The following DCX variants were observed in gnomAD, a reference collection of about 807,000 sequenced individuals.
The protein encoded by DCX is doublecortin.
In DCX, 4 loss-of-function variants were observed where a neutral mutation model predicts 20.9. The ratio of observed to expected loss-of-function variants is 0.19; its 90% CI spans 0.09 to 0.44. DCX has a LOEUF of 0.44. DCX is among the 20% of genes least tolerant of loss of function. The pLI is 0.99. For missense variants in DCX, 133 were observed against 296.9 expected (o/e 0.45, Z 4.06); for synonymous variants, 103 against 111.4 (o/e 0.92, Z 0.47).
Position 111,410,225 on chromosome X carries a change from G to A in DCX, c.174C>T (p.Tyr58=). 1 of 1,211,575 alleles carries A rather than the reference G, an allele frequency of 8.3e-7. No homozygotes were observed. The highest frequency in any genetic ancestry group is 1.8e-5 in the South Asian group (1 of 56,957). ...CCTTGAAGTAGCGGTCCCCATTGCG[G>A]TAGAAACGTACCTTCTTGGCTTTCT... The part of the protein sequence containing the change: ...NEKKAKKVRF[Y]RNGDRYFKGI... The change falls in exon 2 of 7, where the codon TAC becomes TAT. Residue 58 remains tyrosine, a synonymous_variant. Coordinates refer to ENST00000636035, the MANE Select transcript of DCX (RefSeq NM_001195553.2).
At chrX:111,319,728 C>A (rs1046983575) in intron 5 of DCX, among the ~76,000 whole-genome samples, 1 of 112,158 alleles carries the variant, frequency 8.9e-6, no homozygotes, top group African/African-American at 3.2e-5. Flanking sequence ...CCTATATGAG[C>A]TGACACAATA....
chrX:111,334,270 TC>T (rs1921523516), intron 3 of DCX, among the ~76,000 whole-genome samples: 1 of 112,211 alleles, frequency 8.9e-6, no homozygotes. Context: ...TTAAAGATTA[TC>T]CCCATTGTGT....
At position 111,402,276 on chromosome X, in the gene DCX, C is replaced by G. The variant is rs774095993; in HGVS notation, c.365-946G>C. ...TTGGGCTAGAGGAAATGACTAATAT[C>G]GCAAAAGAAATGCAGGGATCAGAGG... On this transcript the variant is annotated intron_variant, in intron 2 of 6. Transcript: ENST00000636035. Among the ~76,000 whole-genome samples, 5 of 111,586 alleles carry G rather than the reference C, an allele frequency of 4.5e-5. No individual in the cohort carries two copies. The Admixed American group carries it at 4.8e-4, about 11-fold the overall frequency.
intron 3 of DCX, among the ~76,000 whole-genome samples, chrX:111,346,110 T>C (rs1354441616): frequency 9.0e-6 from 1 of 110,895 alleles, no homozygotes; most frequent in Non-Finnish European, 1.9e-5. Context: ...TAAATTTGTT[T>C]AAGTTTCTTG....
At position 111,312,652 on chromosome X, in the gene DCX, C is replaced by T. The variant is rs375993711; in HGVS notation, c.1031G>A (p.Arg344Gln). Reference protein sequence around the residue: ...ISTPTSPGSLRKHKVDLYLPL... With the variant: ...ISTPTSPGSLQKHKVDLYLPL... ...TAAGAGACATAATACCTTGTGCTTC[C>T]GGAGGCTGCCAGGACTGGTGGGCGT... is the stretch of plus-strand genomic sequence containing the variant. Residue 344 changes from arginine (R) to glutamine (Q), a missense_variant, in exon 6 of 7, where the codon CGG (arginine) becomes CAG (glutamine). Coordinates refer to ENST00000636035, the MANE Select transcript of DCX (RefSeq NM_001195553.2). 45 of 1,209,585 alleles carry T rather than the reference C, an allele frequency of 3.7e-5. No individual in the cohort carries two copies. The highest frequency in any genetic ancestry group is 5.9e-5 in the East Asian group (2 of 33,758).
intron 3 of DCX, among the ~76,000 whole-genome samples, chrX:111,375,113 G>A (rs1221626006): frequency 9.5e-6 from 1 of 105,244 alleles, no homozygotes; most frequent in African/African-American, 3.5e-5. Context: ...CAGGAGTGGG[G>A]TGGGTAGGAG....
At chrX:111,331,640 G>A (rs1307772266) in intron 4 of DCX, among the ~76,000 whole-genome samples, 1 of 112,082 alleles carries the variant, frequency 8.9e-6, no homozygotes, top group African/African-American at 3.2e-5. Flanking sequence ...AAATGGGCCA[G>A]CAGTGACTCT....
At chrX:111,391,377 C>T (rs1345733637) in intron 3 of DCX, among the ~76,000 whole-genome samples, 2 of 111,486 alleles carry the variant, frequency 1.8e-5, no homozygotes, top group East Asian at 2.8e-4. Context: ...GTCAATTAAA[C>T]CACTTTTTTT....
intron 3 of DCX, among the ~76,000 whole-genome samples, chrX:111,371,933 TACACAC>T (rs56304092): frequency 0.093 from 9,031 of 97,299 alleles, 366 homozygotes; most frequent in African/African-American, 0.13. Context: ...GATATATGTG[TACACAC>T]ACACACACAC....
At chrX:111,305,783 A>G (rs1177971163) in intron 6 of DCX, among the ~76,000 whole-genome samples, 1 of 111,014 alleles carries the variant, frequency 9.0e-6, no homozygotes, top group African/African-American at 3.3e-5. Flanking sequence ...TTTGTATGTC[A>G]GTAGGAGAAA....
chrX:111,306,527 C>T (rs913684901), intron 6 of DCX, among the ~76,000 whole-genome samples: 1 of 111,114 alleles, frequency 9.0e-6, no homozygotes, highest in Non-Finnish European at 1.9e-5. Flanking sequence ...AACAACTAGA[C>T]AGAAGACCAA....
intron 3 of DCX, among the ~76,000 whole-genome samples, chrX:111,391,407 A>G (rs943191675): frequency 1.8e-5 from 2 of 111,458 alleles, no homozygotes; most frequent in African/African-American, 3.3e-5. Flanking sequence ...CCAGTCTCAG[A>G]TAGTTCTTTA....
At chrX:111,408,598 TGAAAGAAAGAAAGGAA>T (rs2147273005) in intron 2 of DCX, among the ~76,000 whole-genome samples, 1 of 89,217 alleles carries the variant, frequency 1.1e-5, no homozygotes, top group African/African-American at 4.4e-5. Flanking sequence ...CGAAACTCTG[TGAAAGAAAGAAAGGAA>T]GAAAGAAAGA....
chrX:111,313,236 C>A (rs766548581), intron 5 of DCX, among the ~76,000 whole-genome samples: 3 of 110,760 alleles, frequency 2.7e-5, no homozygotes, highest in Admixed American at 9.7e-5. Flanking sequence ...GTCTCTCCCC[C>A]TCTCTTTTCC....
rs1273698995 is a variant in DCX at position 111,297,711 on chromosome X, G to C, written c.*3976C>G. 9.0e-6 allele frequency: 1 copy of C among 111,560 alleles called. No homozygotes were observed. The highest frequency in any genetic ancestry group is 1.9e-5 in the Non-Finnish European group (1 of 53,107). The allele number at this position is 111,560 out of a possible 1,213,427, so 9.2% of individuals were successfully genotyped here. A position where few individuals can be genotyped will look rare whatever the true frequency, so the allele number is the denominator to read the frequency against. On this transcript the variant is annotated 3_prime_UTR_variant, in exon 7 of 7. Transcript: ENST00000636035. Reference sequence around the variant, plus strand: ...CCCCTTAGTTCCCAGGAAGAGCCTTGCAGCAAGGAAAACCATGTGTTTGGA... The same window carrying C: ...CCCCTTAGTTCCCAGGAAGAGCCTTCCAGCAAGGAAAACCATGTGTTTGGA...
At position 111,301,646 on chromosome X, in the gene DCX, G is replaced by A; in HGVS notation, c.*41C>T. 2.5e-6 allele frequency: 3 copies of A among 1,180,127 alleles called. No individual in the cohort carries two copies. Among genetic ancestry groups the A allele is most frequent in the Non-Finnish European group, 3.5e-6 (3 of 866,709 alleles). On this transcript the variant is annotated 3_prime_UTR_variant, in exon 7 of 7. Coordinates refer to ENST00000636035, the MANE Select transcript of DCX (RefSeq NM_001195553.2). Reference sequence around the variant, plus strand: ...CAGAAGTACCCTACTACAATGATAGGCTTGGATTTGTACTCTGGACTCTGA... The same window carrying A: ...CAGAAGTACCCTACTACAATGATAGACTTGGATTTGTACTCTGGACTCTGA...
intron 5 of DCX, among the ~76,000 whole-genome samples, chrX:111,325,335 A>G (rs1303206170): frequency 1.8e-5 from 2 of 111,697 alleles, no homozygotes; most frequent in East Asian, 5.6e-4. Context: ...ACTGTGTGTC[A>G]GTGGGACACT....
chrX:111,304,586 C>G (rs957608453), intron 6 of DCX, among the ~76,000 whole-genome samples: 1 of 111,169 alleles, frequency 9.0e-6, no homozygotes, highest in Non-Finnish European at 1.9e-5. Context: ...CAATCTTTGA[C>G]CTGTGGGGTA....
chrX:111,406,432 T>C (rs1196752133), intron 2 of DCX, among the ~76,000 whole-genome samples: 1 of 112,026 alleles, frequency 8.9e-6, no homozygotes, highest in Non-Finnish European at 1.9e-5. Flanking sequence ...ATAGTACCTG[T>C]AGCTATAATT....
Sources: gnomAD v4.1 joint callset for allele counts (sites outside exome capture counted in the v4.1 genomes callset) on GRCh38, gnomAD v4.1.1 for gene constraint, MANE v1.5 for transcripts, NCBI Gene and HGNC (gene_info 2026-07-23, HGNC 2026-07-21) for gene names.